The following CASP5 variants were observed in gnomAD, a reference collection of about 807,000 sequenced individuals.
CASP5 encodes caspase 5.
A neutral mutation model predicts 45.2 loss-of-function variants in CASP5; 42 were observed. That is an observed-to-expected ratio of 0.93 (90% CI 0.73 to 1.20). The LOEUF (loss-of-function observed/expected upper bound fraction) is 1.20, where lower values mean the gene tolerates loss of function less well. Among genes scored for constraint, CASP5 ranks in the 50% most tolerant of loss-of-function variants. The pLI is 0.00. For missense variants in CASP5, 512 were observed against 532.2 expected (o/e 0.96, Z 0.37); for synonymous variants, 209 against 186.2 (o/e 1.12, Z -1.00).
At chr11:105,019,561 A>T (rs1392801717) in intron 1 of CASP5, among the ~76,000 whole-genome samples, 2 of 151,124 alleles carry the variant, frequency 1.3e-5, no homozygotes, top group Non-Finnish European at 3.0e-5. Context: ...TCTAGAAGAA[A>T]TGGATAAGTT....
At chr11:105,019,130 A>G (rs1862800208) in intron 1 of CASP5, among the ~76,000 whole-genome samples, 2 of 151,126 alleles carry the variant, frequency 1.3e-5, no homozygotes, top group Admixed American at 1.3e-4. Flanking sequence ...ACAACATACC[A>G]GAATCTCTGG....
At chr11:105,009,790 CACGTAT>C (rs1565388246) in intron 1 of CASP5, among the ~76,000 whole-genome samples, 1 of 113,350 alleles carries the variant, frequency 8.8e-6, no homozygotes, top group African/African-American at 3.5e-5. Context: ...TATATATACA[CACGTAT>C]ATATATATAT....
chr11:105,006,440 G>A (rs1862003817), intron 3 of CASP5, among the ~76,000 whole-genome samples: 1 of 152,198 alleles, frequency 6.6e-6, no homozygotes, highest in Non-Finnish European at 1.5e-5. Context: ...CAGAAACTTG[G>A]TGCATGTTAC....
At chr11:104,999,907 T>A (rs919783889) in intron 6 of CASP5, among the ~76,000 whole-genome samples, 1 of 152,224 alleles carries the variant, frequency 6.6e-6, no homozygotes, top group Non-Finnish European at 1.5e-5. Context: ...GTGCAAATTC[T>A]TCAGAAACCA....
chr11:105,003,785 T>C (rs2134709495), intron 3 of CASP5, among the ~76,000 whole-genome samples: 1 of 152,192 alleles, frequency 6.6e-6, no homozygotes, highest in South Asian at 2.1e-4. Flanking sequence ...CAGAGTGCTA[T>C]TTGAAATACA....
chr11:105,008,243 G>A (rs1353398804), intron 2 of CASP5, among the ~76,000 whole-genome samples: 1 of 152,060 alleles, frequency 6.6e-6, no homozygotes, highest in Non-Finnish European at 1.5e-5. Context: ...TAATTTTTAG[G>A]TAATCATTAG....
intron 7 of CASP5, 111 bp downstream of exon 7, chr11:104,998,774 C>A: frequency 9.6e-7 from 1 of 1,040,294 alleles, no homozygotes; most frequent in Non-Finnish European, 1.4e-6. Flanking sequence ...ATAGAGAGCA[C>A]ACACCATTCT....
chr11:105,021,163 A>T (rs1268647144), intron 1 of CASP5, among the ~76,000 whole-genome samples: 1 of 150,758 alleles, frequency 6.6e-6, no homozygotes, highest in African/African-American at 2.4e-5. Flanking sequence ...TTAATTCAAG[A>T]TGGATTAAAG....
In CASP5 at chr11:105,019,690, G is replaced by A. The variant is rs1454832538; in HGVS notation, c.7+3440C>T. Among the ~76,000 whole-genome samples, 2 of 144,720 alleles carry A rather than the reference G, an allele frequency of 1.4e-5. 1 individual carries two copies. The highest frequency in any genetic ancestry group is 1.5e-4 in the Admixed American group (2 of 13,550). 94.9% of individuals were successfully genotyped at this position (144,720 alleles called of 152,430 possible). On this transcript the variant is annotated intron_variant, in intron 1 of 9. Coordinates refer to ENST00000260315, the MANE Select transcript of CASP5 (RefSeq NM_004347.5). ...AAGCTTACCAACTAAAAAGAGTCCA[G>A]GACCAGATGGATTCACAGCCGAATT... is the stretch of plus-strand genomic sequence containing the variant.
At position 104,995,936 on chromosome 11, in the gene CASP5, C is replaced by T. The variant is rs981324788; in HGVS notation, c.1207-94G>A. On this transcript the variant is annotated intron_variant, in intron 8 of 9. Coordinates refer to ENST00000260315, the MANE Select transcript of CASP5 (RefSeq NM_004347.5). ...CCAGGAAATGCCTGAATGAAGAGAG[C>T]TTCCAGGGTTGATAGGACCAAGCCC... 11 of 777,858 alleles carry T rather than the reference C, an allele frequency of 1.4e-5. No individual in the cohort carries two copies. In the African/African-American group the frequency reaches 1.6e-4, roughly 11 times the overall value. 48.2% of individuals were successfully genotyped at this position (777,858 alleles called of 1,614,324 possible). A position where few individuals can be genotyped will look rare whatever the true frequency, so the allele number is the denominator to read the frequency against.
intron 3 of CASP5, among the ~76,000 whole-genome samples, chr11:105,005,356 A>ATGTGTGTGTGTGTGTGTGTGTGTGTGTG (rs5794366): frequency 7.2e-6 from 1 of 139,248 alleles, no homozygotes; most frequent in African/African-American, 2.9e-5. Context: ...GTATATATAT[A>ATGTGTGTGTGTGTGTGTGTGTGTGTGTG]TGTGTGTGTG....
At chr11:105,011,709 A>G (rs1862357138) in intron 1 of CASP5, among the ~76,000 whole-genome samples, 1 of 151,796 alleles carries the variant, frequency 6.6e-6, no homozygotes, top group Non-Finnish European at 1.5e-5. Context: ...AAAAAATTTC[A>G]TGAAATAATA....
At chr11:105,007,938 G>C (rs184130441) in intron 2 of CASP5, among the ~76,000 whole-genome samples, 134 of 152,168 alleles carry the variant, frequency 8.8e-4, no homozygotes, top group Middle Eastern at 6.8e-3. Context: ...TAATTTTTTA[G>C]CATCTTTTCC....
At position 105,002,081 on chromosome 11, in the gene CASP5, GCCTTTTCAT is replaced by G; in HGVS notation, c.655_663del (p.Met219_Arg221del). On this transcript the variant is annotated inframe_deletion, in exon 5 of 10. Coordinates refer to ENST00000260315, the MANE Select transcript of CASP5 (RefSeq NM_004347.5). Reference sequence around the variant, plus strand: ...ACAGTGTAGCCCAGGCCTTGAAGCAGCCTTTTCATCCCCACGATGTCATAGTGAGCCCCA... The same window carrying G: ...ACAGTGTAGCCCAGGCCTTGAAGCAGCCCCACGATGTCATAGTGAGCCCCA... 1 of 1,614,164 alleles carries G rather than the reference GCCTTTTCAT, an allele frequency of 6.2e-7. No homozygotes were observed. Among genetic ancestry groups the G allele is most frequent in the Non-Finnish European group, 8.5e-7 (1 of 1,180,026 alleles).
chr11:104,994,485 T>C (rs907298456), intron 9 of CASP5, 138 bp from the exon 10 acceptor site: 7 of 152,234 alleles, frequency 4.6e-5, no homozygotes, highest in African/African-American at 1.4e-4. Flanking sequence ...GACCTCTGTG[T>C]CTATTTAGTG....
At chr11:105,002,504 G>A (rs913982157) in intron 4 of CASP5, among the ~76,000 whole-genome samples, 11 of 152,072 alleles carry the variant, frequency 7.2e-5, no homozygotes, top group African/African-American at 2.7e-4. Context: ...AAACCAAGAG[G>A]TGTTGTCATC....
chr11:105,018,416 C>T (rs1444667092), intron 1 of CASP5, among the ~76,000 whole-genome samples: 2 of 152,174 alleles, frequency 1.3e-5, no homozygotes, highest in Non-Finnish European at 2.9e-5. Flanking sequence ...ACCCATCTCA[C>T]ATGCAGAGAC....
chr11:105,012,375 G>A (rs1862392285), intron 1 of CASP5, among the ~76,000 whole-genome samples: 1 of 151,760 alleles, frequency 6.6e-6, no homozygotes, highest in Non-Finnish European at 1.5e-5. Flanking sequence ...TATAGACAAT[G>A]ATTTTTGGAT....
intron 4 of CASP5, 93 bp downstream of exon 4, chr11:105,003,181 C>T: frequency 1.2e-6 from 1 of 815,936 alleles, no homozygotes; most frequent in East Asian, 2.5e-5. Flanking sequence ...GGCTGGGCAA[C>T]AGAGCAAGAC....
Sources: allele counts gnomAD v4.1 joint callset (sites outside exome capture counted in the v4.1 genomes callset), GRCh38; gene constraint gnomAD v4.1.1; transcripts MANE v1.5; gene names NCBI Gene and HGNC (gene_info 2026-07-23, HGNC 2026-07-21).